The following SLCO1B1 variants were observed in gnomAD, a reference collection of about 807,000 sequenced individuals.
SLCO1B1 encodes the protein OATP-2.
SLCO1B1 carries 81 observed loss-of-function variants against 70.1 expected under a neutral mutation model. The observed-to-expected ratio is 1.16, with a 90% CI of 0.97 to 1.39. The LOEUF is 1.39. Ranked by LOEUF, SLCO1B1 falls within the 40% of genes most tolerant of loss-of-function variation. SLCO1B1 has a pLI of 0.00. For synonymous variants in SLCO1B1, 283 were observed against 271.5 expected, an observed-to-expected ratio of 1.04 and a Z score of -0.42; for missense variants, 895 against 799.6, an observed-to-expected ratio of 1.12 and a Z score of -1.44.
intron 7 of SLCO1B1, among the ~76,000 whole-genome samples, chr12:21,185,203 G>A (rs369575923): frequency 6.0e-5 from 9 of 148,892 alleles, no homozygotes; most frequent in East Asian, 1.9e-4. Flanking sequence ...GTTAGATATC[G>A]AAGCAGAAAA....
chr12:21,200,090 T>A (rs1941138589), intron 8 of SLCO1B1, among the ~76,000 whole-genome samples: 1 of 152,134 alleles, frequency 6.6e-6, no homozygotes, highest in African/African-American at 2.4e-5. Context: ...AGTGAGCCAC[T>A]GTGCCCGGCC....
chr12:21,176,826 C>T lies in SLCO1B1; in HGVS notation c.410C>T (p.Ser137Leu), dbSNP rs151204465. ...ATCAATTCATCAGAAAATTCAACAT[C>T]GACCTTATCCACTTGTTTAATTAAT... ...TNINSSENST[S>L]TLSTCLINQI... The change falls in exon 5 of 15, where the codon TCG becomes TTG. Residue 137 changes from serine (S) to leucine (L), a missense_variant. Transcript: ENST00000256958. 40 of 1,540,566 alleles carry T rather than the reference C, an allele frequency of 2.6e-5. No individual in the cohort carries two copies. The highest frequency in any genetic ancestry group is 1.1e-4 in the African/African-American group (8 of 73,414).
chr12:21,202,823 T>A, intron 10 of SLCO1B1, 137 bp downstream of exon 10: 4 of 695,586 alleles, frequency 5.8e-6, no homozygotes, highest in Middle Eastern at 4.0e-4. Context: ...TTAAAATTTT[T>A]AAAATATCTG....
At chr12:21,137,844 C>T (rs1940249228) in intron 1 of SLCO1B1, among the ~76,000 whole-genome samples, 2 of 152,190 alleles carry the variant, frequency 1.3e-5, no homozygotes, top group South Asian at 4.1e-4. Context: ...CACCCACTGT[C>T]CTGCACCTAC....
At chr12:21,236,990 T>C (rs1941602320) in intron 14 of SLCO1B1, among the ~76,000 whole-genome samples, 1 of 152,212 alleles carries the variant, frequency 6.6e-6, no homozygotes, top group South Asian at 2.1e-4. Flanking sequence ...ACTCAGTCTT[T>C]TAATTGGTGG....
intron 12 of SLCO1B1, among the ~76,000 whole-genome samples, chr12:21,220,382 C>A (rs1941409293): frequency 6.6e-6 from 1 of 151,984 alleles, no homozygotes. Flanking sequence ...TTTATTTTTA[C>A]TTATTTATTT....
intron 1 of SLCO1B1, among the ~76,000 whole-genome samples, chr12:21,132,679 G>A (rs117848419): frequency 0.051 from 7,798 of 152,070 alleles, 288 homozygotes; most frequent in East Asian, 0.13. Flanking sequence ...TTCTTGATGG[G>A]GTCGTTTGTC....
At chr12:21,184,914 G>A (rs553092100) in intron 7 of SLCO1B1, among the ~76,000 whole-genome samples, 1 of 152,132 alleles carries the variant, frequency 6.6e-6, no homozygotes, top group Non-Finnish European at 1.5e-5. Flanking sequence ...GGAACGGAAA[G>A]AGATCTATCC....
At chr12:21,131,470 T>C (rs1167131049) in intron 1 of SLCO1B1, among the ~76,000 whole-genome samples, 3 of 152,018 alleles carry the variant, frequency 2.0e-5, no homozygotes, top group Non-Finnish European at 4.4e-5. Context: ...TATATTTAAA[T>C]ATAAAGTTTC....
chr12:21,190,249 AG>A (rs1172478648), intron 7 of SLCO1B1, among the ~76,000 whole-genome samples: 1 of 152,210 alleles, frequency 6.6e-6, no homozygotes, highest in Non-Finnish European at 1.5e-5. Context: ...GTTCCCAGTA[AG>A]GGGGAACAAT....
chr12:21,210,812 C>G (rs1941273801), intron 11 of SLCO1B1, among the ~76,000 whole-genome samples: 1 of 151,594 alleles, frequency 6.6e-6, no homozygotes, highest in African/African-American at 2.4e-5. Context: ...ATTTTATTCT[C>G]TTTAAAGCAA....
At chr12:21,145,008 C>T (rs138437059) in intron 2 of SLCO1B1, among the ~76,000 whole-genome samples, 1 of 152,184 alleles carries the variant, frequency 6.6e-6, no homozygotes, top group Non-Finnish European at 1.5e-5. Flanking sequence ...TGCAATCAAG[C>T]CAACATAATA....
In SLCO1B1 at chr12:21,152,468, A is replaced by AGT. The variant is rs1327934553; in HGVS notation, c.84+10811_84+10812dup. ...CTGGATATCCAGACATAATGTATTGAGTTTTGTAAAACCTGCTATACATAG... is the reference window on the plus strand; with the variant it reads ...CTGGATATCCAGACATAATGTATTGAGTGTTTTGTAAAACCTGCTATACATAG... On this transcript the variant is annotated intron_variant, in intron 2 of 14. Transcript: ENST00000256958. Among the ~76,000 whole-genome samples, 9 of 135,752 alleles carry AGT rather than the reference A, an allele frequency of 6.6e-5. No individual in the cohort carries two copies. The East Asian group carries it at 2.0e-3, about 30-fold the overall frequency. The allele number at this position is 135,752 out of a possible 152,430, so 89.1% of individuals were successfully genotyped here. A position where few individuals can be genotyped will look rare whatever the true frequency, so the allele number is the denominator to read the frequency against.
intron 9 of SLCO1B1, among the ~76,000 whole-genome samples, chr12:21,201,348 A>G (rs562332603): frequency 6.6e-5 from 10 of 152,286 alleles, no homozygotes; most frequent in Middle Eastern, 6.8e-3. Flanking sequence ...CCAAGCTTCC[A>G]GATAATCTCT....
At chr12:21,185,617 T>C (rs543645359) in intron 7 of SLCO1B1, among the ~76,000 whole-genome samples, 4 of 151,918 alleles carry the variant, frequency 2.6e-5, no homozygotes, top group African/African-American at 9.6e-5. Flanking sequence ...TTTACAATGC[T>C]AAAGGCCTTC....
intron 7 of SLCO1B1, among the ~76,000 whole-genome samples, chr12:21,181,684 A>G (rs1940899531): frequency 1.3e-5 from 2 of 152,138 alleles, no homozygotes; most frequent in Admixed American, 6.5e-5. Context: ...AACAATTAAA[A>G]TGACATCTAC....
intron 12 of SLCO1B1, among the ~76,000 whole-genome samples, chr12:21,218,754 T>C (rs1941389406): frequency 6.6e-6 from 1 of 152,198 alleles, no homozygotes; most frequent in Non-Finnish European, 1.5e-5. Context: ...GAAAAAACAC[T>C]GTTCCATCAT....
chr12:21,138,592 A>T (rs751312656), intron 1 of SLCO1B1, among the ~76,000 whole-genome samples: 2 of 152,146 alleles, frequency 1.3e-5, no homozygotes, highest in African/African-American at 2.4e-5. Context: ...TGAATATTTT[A>T]TCTGAAGATC....
chr12:21,222,427 TACACAC>T (rs869209935), intron 13 of SLCO1B1, 63 bp downstream of exon 13: 3 of 101,054 alleles, frequency 3.0e-5, no homozygotes, highest in Non-Finnish European at 5.1e-5. Context: ...TATATATATA[TACACAC>T]ACACATACAT....
Sources: allele counts gnomAD v4.1 joint callset (sites outside exome capture counted in the v4.1 genomes callset), GRCh38; gene constraint gnomAD v4.1.1; transcripts MANE v1.5; gene names NCBI Gene and HGNC (gene_info 2026-07-23, HGNC 2026-07-21).